Variants in ZC3H12B observed in about 807,000 individuals in gnomAD.
ZC3H12B encodes the protein probable ribonuclease ZC3H12B.
ZC3H12B carries 7 observed loss-of-function variants against 43.9 expected under a neutral mutation model. That is an observed-to-expected ratio of 0.16 (90% CI 0.09 to 0.30). The LOEUF (loss-of-function observed/expected upper bound fraction) is 0.30. ZC3H12B is among the 10% of genes least tolerant of loss of function. ZC3H12B has a pLI of 1.00. For missense variants in ZC3H12B, 475 were observed against 670.2 expected (o/e 0.71, Z 3.22); for synonymous variants, 222 against 241.7 (o/e 0.92, Z 0.76).
chrX:65,227,152 T>C, the ZC3H12B span, among the ~76,000 whole-genome samples: 4 of 111,576 alleles, frequency 3.6e-5, no homozygotes, highest in African/African-American at 9.8e-5. Context: ...CCTCAGCAAA[T>C]GTAAAATAAC....
chrX:65,502,595 C>T, exon 5 of ZC3H12B: 1 of 1,210,272 alleles, frequency 8.3e-7, no homozygotes, highest in South Asian at 1.8e-5. Flanking sequence ...TCATGGTTAC[C>T]ATGAAGCCTT....
At chrX:65,351,380 G>A in the ZC3H12B span, among the ~76,000 whole-genome samples, 1 of 111,909 alleles carries the variant, frequency 8.9e-6, no homozygotes, top group African/African-American at 3.2e-5. Flanking sequence ...GAAAGCCTGG[G>A]CAATACCATT....
At chrX:65,410,704 AAAG>A (rs1268744291) in intron 3 of ZC3H12B, among the ~76,000 whole-genome samples, 2 of 112,490 alleles carry the variant, frequency 1.8e-5, no homozygotes, top group African/African-American at 3.2e-5. Context: ...AGGCATATGA[AAAG>A]GTGCTCAACA....
intron 3 of ZC3H12B, among the ~76,000 whole-genome samples, chrX:65,467,051 A>T (rs1182720999): frequency 1.3e-4 from 13 of 97,248 alleles, no homozygotes; most frequent in African/African-American, 4.7e-4. Context: ...TGCACCCATC[A>T]CTAGAGTATG....
chrX:65,362,354 G>A (rs952053562), upstream of ZC3H12B, among the ~76,000 whole-genome samples: 1 of 111,147 alleles, frequency 9.0e-6, no homozygotes, highest in Non-Finnish European at 1.9e-5. Context: ...GGGTATTGAC[G>A]GCCAGGCTTC....
the ZC3H12B span, among the ~76,000 whole-genome samples, chrX:65,228,013 A>C: frequency 8.9e-6 from 1 of 111,802 alleles, no homozygotes; most frequent in Admixed American, 9.5e-5. Flanking sequence ...AAAAGAGGGA[A>C]TCCTCCCTAA....
chrX:65,151,531 T>A, the ZC3H12B span, among the ~76,000 whole-genome samples: 2 of 112,074 alleles, frequency 1.8e-5, no homozygotes, highest in Admixed American at 1.9e-4. Context: ...TTTTGAATTT[T>A]TAATTACTCA....
the ZC3H12B span, among the ~76,000 whole-genome samples, chrX:65,149,069 T>A: frequency 8.9e-6 from 1 of 111,833 alleles, no homozygotes; most frequent in Non-Finnish European, 1.9e-5. Context: ...TTAGGACTTG[T>A]GAAGGAGAGA....
At chrX:65,155,591 G>A in the ZC3H12B span, among the ~76,000 whole-genome samples, 32 of 111,915 alleles carry the variant, frequency 2.9e-4, no homozygotes, top group African/African-American at 8.8e-4. Context: ...GATGGCTTAT[G>A]CCTGTAATCC....
intron 3 of ZC3H12B, among the ~76,000 whole-genome samples, chrX:65,403,573 C>G (rs956367030): frequency 9.0e-6 from 1 of 111,560 alleles, no homozygotes; most frequent in Non-Finnish European, 1.9e-5. Flanking sequence ...ATGCTTAAAG[C>G]AGCAAGAAAA....
intron 3 of ZC3H12B, among the ~76,000 whole-genome samples, chrX:65,458,215 C>A (rs1387548687): frequency 9.1e-6 from 1 of 109,598 alleles, no homozygotes; most frequent in African/African-American, 3.3e-5. Context: ...AAAGCAAGTC[C>A]TTAGAGACCT....
chrX:65,291,622 G>A, the ZC3H12B span, among the ~76,000 whole-genome samples: 2 of 111,884 alleles, frequency 1.8e-5, no homozygotes, highest in Non-Finnish European at 3.8e-5. Flanking sequence ...AGTGTAAAAT[G>A]GTGGTTGCTA....
At chrX:65,441,562 C>T (rs892525854) in intron 3 of ZC3H12B, among the ~76,000 whole-genome samples, 7 of 112,057 alleles carry the variant, frequency 6.2e-5, no homozygotes, top group Admixed American at 2.8e-4. Context: ...CTGTGCTATG[C>T]GCTCTCCTGG....
intron 3 of ZC3H12B, chrX:65,408,452 G>C: frequency 1.7e-6 from 2 of 1,210,324 alleles, no homozygotes; most frequent in East Asian, 3.0e-5. Context: ...TGCCATCATC[G>C]GGCAGCAGCA....
At chrX:65,271,538 G>C in the ZC3H12B span, 3 of 112,243 alleles carry the variant, frequency 2.7e-5, no homozygotes, top group African/African-American at 9.7e-5. Context: ...AAGTCTCTCA[G>C]GCATTCTGAA....
At chrX:65,150,566 C>G in the ZC3H12B span, among the ~76,000 whole-genome samples, 1 of 110,066 alleles carries the variant, frequency 9.1e-6, no homozygotes, top group African/African-American at 3.3e-5. Context: ...TCAACTCCCA[C>G]TTATGAGTGA....
chrX:65,093,683 G>A, the ZC3H12B span, among the ~76,000 whole-genome samples: 1 of 112,046 alleles, frequency 8.9e-6, no homozygotes, highest in East Asian at 2.8e-4. Flanking sequence ...TTTGGAATAG[G>A]GATATATTTA....
At chrX:65,303,615 T>C in the ZC3H12B span, among the ~76,000 whole-genome samples, 1 of 112,092 alleles carries the variant, frequency 8.9e-6, no homozygotes, top group Non-Finnish European at 1.9e-5. Flanking sequence ...CCTGCTTAGG[T>C]CTGCAATAAA....
chrX:65,187,195 C>G, the ZC3H12B span: 2 of 111,854 alleles, frequency 1.8e-5, no homozygotes, highest in Admixed American at 9.6e-5. Flanking sequence ...TATCATTTCT[C>G]TTCTTTCTCT....
Sources: allele counts gnomAD v4.1 joint callset (sites outside exome capture counted in the v4.1 genomes callset), GRCh38; gene constraint gnomAD v4.1.1; transcripts MANE v1.5; gene names NCBI Gene and HGNC (gene_info 2026-07-23, HGNC 2026-07-21).